The following ZNF441 variants were observed in gnomAD, a reference collection of about 807,000 sequenced individuals.
The protein encoded by ZNF441 is zinc finger protein 441.
In ZNF441, 25 loss-of-function variants were observed where a neutral mutation model predicts 64.5. That is an observed-to-expected ratio of 0.39 (90% confidence interval 0.28 to 0.54). The LOEUF (loss-of-function observed/expected upper bound fraction) is 0.54, where lower values mean the gene tolerates loss of function less well. ZNF441 is among the 20% of genes least tolerant of loss of function. ZNF441 has a pLI of 0.70. For missense variants in ZNF441, 715 were observed against 843.3 expected (o/e 0.85, Z 1.88); for synonymous variants, 262 against 268.0 (o/e 0.98, Z 0.22).
chr19:11,779,326 A>G (rs79233779), intron 3 of ZNF441, among the ~76,000 whole-genome samples: 1 of 146,598 alleles, frequency 6.8e-6, no homozygotes, highest in African/African-American at 2.6e-5. Context: ...TTCAAAAAAA[A>G]AAAAAAAAAA....
At chr19:11,778,428 G>A (rs1975371111) in intron 3 of ZNF441, 35 bp downstream of exon 3, 11 of 1,448,578 alleles carry the variant, frequency 7.6e-6, no homozygotes, top group Admixed American at 7.3e-5. Flanking sequence ...CTGTGTCCTT[G>A]AAGTGATTCA....
At position 11,780,759 on chromosome 19, in the gene ZNF441, T is replaced by C; in HGVS notation, c.935T>C (p.Ile312Thr). 1.2e-6 allele frequency: 2 copies of C among 1,614,060 alleles called. No homozygotes were observed. Among genetic ancestry groups the C allele is most frequent in the Non-Finnish European group, 1.7e-6 (2 of 1,179,990 alleles). Reference sequence around the variant, plus strand: ...GGAGATGGGCCTCATAAATGTAAGATATGTGGAAAAGGCTTTCTTTCTCCC... The same window carrying C: ...GGAGATGGGCCTCATAAATGTAAGACATGTGGAAAAGGCTTTCTTTCTCCC... ...HTGDGPHKCKICGKGFLSPSS... is the reference protein window; with the variant it reads ...HTGDGPHKCKTCGKGFLSPSS... Residue 312 changes from isoleucine to threonine, a missense_variant, in exon 4 of 4, where the codon ATA becomes ACA. Ile to Thr is a moderately conservative substitution (Grantham distance 89). Coordinates refer to ENST00000357901, the MANE Select transcript of ZNF441 (RefSeq NM_152355.3).
chr19:11,771,068 A>T (rs774906329), intron 1 of ZNF441, among the ~76,000 whole-genome samples: 18 of 152,248 alleles, frequency 1.2e-4, no homozygotes, highest in Non-Finnish European at 2.4e-4. Flanking sequence ...AATAACAATG[A>T]GAGAAGGTAT....
Position 11,781,996 on chromosome 19 carries a change from T to C in ZNF441, c.*90T>C. Reference sequence around the variant, plus strand: ...CATAAGAGACTCACACTGAAAAAAGTTGTATGAATATAAAAATGTACTAAA... The same window carrying C: ...CATAAGAGACTCACACTGAAAAAAGCTGTATGAATATAAAAATGTACTAAA... On this transcript the variant is annotated 3_prime_UTR_variant, in exon 4 of 4. Transcript: ENST00000357901. The C allele has an allele frequency of 2.7e-6, 3 of 1,110,978 alleles. No individual in the cohort carries two copies. The highest frequency in any genetic ancestry group is 3.7e-6 in the Non-Finnish European group (3 of 818,862). 68.8% of individuals were successfully genotyped at this position (1,110,978 alleles called of 1,614,324 possible). A position where few individuals can be genotyped will look rare whatever the true frequency, so the allele number is the denominator to read the frequency against.
Position 11,781,614 on chromosome 19 carries a change from A to G in ZNF441, c.1790A>G (p.Asp597Gly), listed in dbSNP as rs1200994981. ...TGTAAGATATGTGGGAAAGGCTTTG[A>G]TTATCCCAGTTCAGTGCAAAGACAT... ...HKCKICGKGFDYPSSVQRHER... is the reference protein window; with the variant it reads ...HKCKICGKGFGYPSSVQRHER... Residue 597 changes from aspartate to glycine, a missense_variant, in exon 4 of 4, where the codon GAT becomes GGT. Around this residue, in one of 2 missense-constraint regions of ZNF441, gnomAD observed 316 missense variants for 429.3 expected, o/e 0.74. Coordinates refer to ENST00000357901, the MANE Select transcript of ZNF441 (RefSeq NM_152355.3). 1 of 1,613,840 alleles carries G rather than the reference A, an allele frequency of 6.2e-7. No individual in the cohort carries two copies. Among genetic ancestry groups the G allele is most frequent in the African/African-American group, 1.3e-5 (1 of 74,886 alleles).
intron 1 of ZNF441, among the ~76,000 whole-genome samples, chr19:11,775,287 C>T (rs1975344980): frequency 6.6e-6 from 1 of 152,172 alleles, no homozygotes; most frequent in African/African-American, 2.4e-5. Flanking sequence ...CATGCATTTC[C>T]AGTACATGCA....
chr19:11,777,589 C>T lies in ZNF441; in HGVS notation c.4-22C>T, dbSNP rs775649675. The T allele has an allele frequency of 1.9e-6, 3 of 1,605,402 alleles. No individual in the cohort carries two copies. In the South Asian group the frequency reaches 3.3e-5, roughly 18 times the overall value. On this transcript the variant is annotated intron_variant, in intron 1 of 3. Coordinates refer to ENST00000357901, the MANE Select transcript of ZNF441 (RefSeq NM_152355.3). ...TGCCTTCAGTTTTAATATTCCTCCT[C>T]TGCACATGTGAAATATTTCAGGACT... is the stretch of plus-strand genomic sequence containing the variant.
intron 1 of ZNF441, among the ~76,000 whole-genome samples, chr19:11,770,324 G>A (rs991134152): frequency 1.3e-5 from 2 of 152,106 alleles, no homozygotes; most frequent in African/African-American, 4.8e-5. Flanking sequence ...CCATGATCCA[G>A]TCACCTCCCA....
chr19:11,770,867 G>T (rs981387352), intron 1 of ZNF441, among the ~76,000 whole-genome samples: 14 of 151,444 alleles, frequency 9.2e-5, no homozygotes, highest in Non-Finnish European at 7.4e-5. Flanking sequence ...GGGATTACAT[G>T]TGTGAGCCAC....
Position 11,767,822 on chromosome 19 carries a change from C to G in ZNF441, c.3+626C>G, listed in dbSNP as rs1012617659. On this transcript the variant is annotated intron_variant, in intron 1 of 3. Coordinates refer to ENST00000357901, the MANE Select transcript of ZNF441 (RefSeq NM_152355.3). The surrounding 1 kb of genome is among the most constrained non-coding windows in gnomAD (Gnocchi z 5.1). ...CTCTCAGAGATCTCATCCCCAAGCA[C>G]AATGGCGAAGCCGGCGGTCAGCATC... Among the ~76,000 whole-genome samples, 6 of 152,210 alleles carry G rather than the reference C, an allele frequency of 3.9e-5. No homozygotes were observed. Among genetic ancestry groups the G allele is most frequent in the Non-Finnish European group, 5.9e-5 (4 of 68,044 alleles).
chr19:11,781,134 A>G lies in ZNF441; in HGVS notation c.1310A>G (p.His437Arg), dbSNP rs963513028. Residue 437 changes from histidine (H) to arginine (R), a missense_variant, in exon 4 of 4, where the codon CAT becomes CGT. This residue lies in a region of ZNF441 where 316 missense variants were observed against 429.3 expected (regional missense o/e 0.74). Coordinates refer to ENST00000357901, the MANE Select transcript of ZNF441 (RefSeq NM_152355.3). ...AFICCTYLQI[H>R]ERIHTGERPY... ...ATTTGTTGCACTTACCTTCAAATACATGAAAGAATTCACACTGGGGAGAGA... is the reference window on the plus strand; with the variant it reads ...ATTTGTTGCACTTACCTTCAAATACGTGAAAGAATTCACACTGGGGAGAGA... 4 of 1,614,022 alleles carry G rather than the reference A, an allele frequency of 2.5e-6. No homozygotes were observed. Among genetic ancestry groups the G allele is most frequent in the South Asian group, 1.1e-5 (1 of 91,092 alleles).
chr19:11,767,126 C>G lies in ZNF441; in HGVS notation c.-68C>G. 2 of 1,552,124 alleles carry G rather than the reference C, an allele frequency of 1.3e-6. No homozygotes were observed. Among genetic ancestry groups the G allele is most frequent in the Non-Finnish European group, 1.7e-6 (2 of 1,147,238 alleles). On this transcript the variant is annotated 5_prime_UTR_variant, in exon 1 of 4. Transcript: ENST00000357901. This position sits in a 1 kb window ranked among gnomAD's most constrained non-coding sequence, Gnocchi z 5.1. ...CGCCCTGGAACGTCTGTGGCAGCTT[C>G]TGTCTCGCTGGGACCCGCACTGACA...
chr19:11,781,979 A>G lies in ZNF441; in HGVS notation c.*73A>G. 8.0e-7 allele frequency: 1 copy of G among 1,254,190 alleles called. No individual in the cohort carries two copies. The highest frequency in any genetic ancestry group is 1.1e-6 in the Non-Finnish European group (1 of 935,018). 77.7% of individuals were successfully genotyped at this position (1,254,190 alleles called of 1,614,324 possible). Reference sequence around the variant, plus strand: ...TCAGCTTCTTACAAATACATAAGAGACTCACACTGAAAAAAGTTGTATGAA... The same window carrying G: ...TCAGCTTCTTACAAATACATAAGAGGCTCACACTGAAAAAAGTTGTATGAA... On this transcript the variant is annotated 3_prime_UTR_variant, in exon 4 of 4. Coordinates refer to ENST00000357901, the MANE Select transcript of ZNF441 (RefSeq NM_152355.3).
chr19:11,776,289 TAA>T (rs980747211), intron 1 of ZNF441, among the ~76,000 whole-genome samples: 1 of 152,162 alleles, frequency 6.6e-6, no homozygotes, highest in Non-Finnish European at 1.5e-5. Flanking sequence ...CAAGGACAAA[TAA>T]AAACTCCACA....
rs1448163522 is a variant in ZNF441 at position 11,780,001 on chromosome 19, ACTT to A, written c.195-14_195-12del. The A allele has an allele frequency of 4.5e-6, 7 of 1,556,362 alleles. No individual in the cohort carries two copies. The South Asian group carries it at 4.6e-5, about 10-fold the overall frequency. On this transcript the variant is annotated splice_polypyrimidine_tract_variant and intron_variant, in intron 3 of 3. Coordinates refer to ENST00000357901, the MANE Select transcript of ZNF441 (RefSeq NM_152355.3). ...TTTATAAACAAACCTTTACTAATGT[ACTT>A]CTTATTTTTTACAGATGTCATATGG...
chr19:11,773,469 G>C (rs559484162), intron 1 of ZNF441, among the ~76,000 whole-genome samples: 20 of 152,242 alleles, frequency 1.3e-4, no homozygotes, highest in African/African-American at 4.8e-4. Flanking sequence ...AAATCTAGTT[G>C]ATTAATAGTA....
chr19:11,772,324 G>T (rs544747238), intron 1 of ZNF441, among the ~76,000 whole-genome samples: 3 of 152,306 alleles, frequency 2.0e-5, no homozygotes, highest in African/African-American at 7.2e-5. Flanking sequence ...TCTTTGTCTT[G>T]TGTCTTTATT....
chr19:11,776,323 C>T lies in ZNF441; in HGVS notation c.4-1288C>T, dbSNP rs1468003108. The stretch of plus-strand genomic sequence containing the variant: ...CACAAAACTTTCCTACTATTTGTCA[C>T]CTTCCTTATTCTATTTGTTTATCTC... On this transcript the variant is annotated intron_variant, in intron 1 of 3. Transcript: ENST00000357901. 2.0e-5 allele frequency among the ~76,000 whole-genome samples: 3 copies of T among 152,142 alleles called. 1 individual carries two copies. Among genetic ancestry groups the T allele is most frequent in the Non-Finnish European group, 1.5e-5 (1 of 68,022 alleles).
At chr19:11,771,440 C>T (rs556302973) in intron 1 of ZNF441, among the ~76,000 whole-genome samples, 5 of 152,150 alleles carry the variant, frequency 3.3e-5, no homozygotes, top group East Asian at 1.9e-4. Context: ...GGCAAGAGAC[C>T]GAGGACACGA....
Sources: gnomAD v4.1 joint callset for allele counts (sites outside exome capture counted in the v4.1 genomes callset) on GRCh38, gnomAD v4.1.1 for gene constraint, gnomAD v4.1.1 regional missense constraint, Gnocchi (gnomAD v3.1) non-coding constraint, MANE v1.5 for transcripts, NCBI Gene and HGNC (gene_info 2026-07-23, HGNC 2026-07-21) for gene names.